DACH1: variants seen among roughly 807,000 people sequenced by gnomAD.
DACH1 encodes dachshund family transcription factor 1, also known as dachshund homolog 1.
DACH1 carries 12 observed loss-of-function variants against 54.2 expected under a neutral mutation model. That is an observed-to-expected ratio of 0.22 (90% CI 0.14 to 0.36). The LOEUF (loss-of-function observed/expected upper bound fraction) is 0.36. Among genes scored for constraint, DACH1 ranks in the 10% least tolerant of loss-of-function variants. The pLI is 1.00. For synonymous variants in DACH1, 386 were observed against 366.2 expected, an observed-to-expected ratio of 1.05 and a Z score of -0.62; for missense variants, 805 against 929.8, an observed-to-expected ratio of 0.87 and a Z score of 1.75.
At chr13:71,579,634 C>T (rs1471043702) in intron 3 of DACH1, among the ~76,000 whole-genome samples, 1 of 151,964 alleles carries the variant, frequency 6.6e-6, no homozygotes, top group Non-Finnish European at 1.5e-5. Flanking sequence ...CATTTTGGAA[C>T]TCATAAAATT....
chr13:71,807,363 G>A (rs529540317), intron 1 of DACH1, among the ~76,000 whole-genome samples: 20 of 139,638 alleles, frequency 1.4e-4, no homozygotes, highest in South Asian at 4.4e-4. Flanking sequence ...CAGTTCATTC[G>A]CACTTCCCTC....
chr13:71,564,931 T>A (rs1884814244), intron 4 of DACH1, among the ~76,000 whole-genome samples: 1 of 152,126 alleles, frequency 6.6e-6, no homozygotes, highest in Admixed American at 6.5e-5. Context: ...TGTTGTTGTT[T>A]GTTTTTTTGA....
At chr13:71,619,003 A>G (rs1876000522) in intron 3 of DACH1, among the ~76,000 whole-genome samples, 1 of 151,754 alleles carries the variant, frequency 6.6e-6, no homozygotes, top group African/African-American at 2.4e-5. Context: ...AGGTGTGAAT[A>G]CATATTTAAA....
intron 3 of DACH1, among the ~76,000 whole-genome samples, chr13:71,591,367 C>T (rs1443630643): frequency 1.5e-4 from 23 of 152,072 alleles, no homozygotes; most frequent in Admixed American, 1.5e-3. Flanking sequence ...GATTTTCAAA[C>T]ATCTTGGTTT....
At chr13:71,641,625 G>A (rs1877905119) in intron 2 of DACH1, among the ~76,000 whole-genome samples, 1 of 152,114 alleles carries the variant, frequency 6.6e-6, no homozygotes, top group African/African-American at 2.4e-5. Context: ...AACACATAGT[G>A]CCATGTGATA....
intron 1 of DACH1, among the ~76,000 whole-genome samples, chr13:71,718,405 C>G (rs966294512): frequency 6.6e-6 from 1 of 151,680 alleles, no homozygotes; most frequent in Non-Finnish European, 1.5e-5. Flanking sequence ...GGCAACATAG[C>G]GAGACCTCAT....
intron 2 of DACH1, among the ~76,000 whole-genome samples, chr13:71,635,313 C>T (rs1278084022): frequency 6.6e-6 from 1 of 152,204 alleles, no homozygotes; most frequent in East Asian, 1.9e-4. Flanking sequence ...TCACCACCCT[C>T]AACCCACTCT....
intron 2 of DACH1, among the ~76,000 whole-genome samples, chr13:71,661,298 A>T (rs911525671): frequency 6.6e-6 from 1 of 151,534 alleles, no homozygotes; most frequent in Non-Finnish European, 1.5e-5. Flanking sequence ...TTTCAATTTA[A>T]TTTTTATTAG....
chr13:71,732,050 T>C (rs1452166690), intron 1 of DACH1, among the ~76,000 whole-genome samples: 4 of 152,214 alleles, frequency 2.6e-5, no homozygotes, highest in Non-Finnish European at 4.4e-5. Flanking sequence ...ATAAAACTTA[T>C]GTTAACTATA....
At chr13:71,573,289 G>A in intron 3 of DACH1, 1 of 611,568 alleles carries the variant, frequency 1.6e-6, no homozygotes, top group East Asian at 2.8e-5. Flanking sequence ...AAAATACTAG[G>A]GTTTTCTTTA....
chr13:71,839,783 C>T (rs1215079495), intron 1 of DACH1, among the ~76,000 whole-genome samples: 1 of 152,036 alleles, frequency 6.6e-6, no homozygotes, highest in Non-Finnish European at 1.5e-5. Context: ...ACTAAACCTT[C>T]TCCTCCTCAT....
Position 71,630,721 on chromosome 13 carries a change from A to G in DACH1, c.965-4T>C. On this transcript the variant is annotated splice_region_variant and splice_polypyrimidine_tract_variant and intron_variant, in intron 2 of 10. Coordinates refer to ENST00000613252, the MANE Select transcript of DACH1 (RefSeq NM_080759.6). ...GCTGCAGCGGCTGCTGTCAGACCTT[A>G]AAAGAATAAATTAAAAATGAGGTAA... The G allele has an allele frequency of 1.3e-6, 2 of 1,559,300 alleles. No homozygotes were observed. Among genetic ancestry groups the G allele is most frequent in the Non-Finnish European group, 1.7e-6 (2 of 1,161,922 alleles).
At chr13:71,776,378 T>C (rs538372017) in intron 1 of DACH1, among the ~76,000 whole-genome samples, 1 of 152,248 alleles carries the variant, frequency 6.6e-6, no homozygotes, top group South Asian at 2.1e-4. Flanking sequence ...AATTTTGACA[T>C]GTAACACCTA....
intron 1 of DACH1, among the ~76,000 whole-genome samples, chr13:71,807,419 C>CAAA (rs10688170): frequency 0.28 from 27,427 of 99,198 alleles, 4,085 homozygotes; most frequent in African/African-American, 0.35. Context: ...TCACAGATTG[C>CAAA]AAAAAAAAAA....
chr13:71,841,743 G>A (rs922293955), intron 1 of DACH1, among the ~76,000 whole-genome samples: 2 of 152,140 alleles, frequency 1.3e-5, no homozygotes, highest in African/African-American at 4.8e-5. Context: ...GGTCACTGAA[G>A]AGCTGCTGCC....
chr13:71,575,026 T>C (rs1175553184), intron 3 of DACH1, among the ~76,000 whole-genome samples: 1 of 152,040 alleles, frequency 6.6e-6, no homozygotes, highest in Non-Finnish European at 1.5e-5. Flanking sequence ...ATAACACATT[T>C]TAAACATCTG....
chr13:71,690,412 C>T (rs1168403842), intron 1 of DACH1, among the ~76,000 whole-genome samples: 2 of 151,998 alleles, frequency 1.3e-5, no homozygotes, highest in African/African-American at 2.4e-5. Flanking sequence ...CCTTTCTTCC[C>T]GTAAGTCTTC....
At chr13:71,655,489 G>C (rs959425716) in intron 2 of DACH1, among the ~76,000 whole-genome samples, 1 of 151,092 alleles carries the variant, frequency 6.6e-6, no homozygotes, top group Non-Finnish European at 1.5e-5. Context: ...TCCTGCCTCA[G>C]CCTCCCGAGT....
intron 1 of DACH1, among the ~76,000 whole-genome samples, chr13:71,822,588 A>C (rs1488955171): frequency 6.6e-6 from 1 of 152,206 alleles, no homozygotes; most frequent in East Asian, 1.9e-4. Context: ...AATTTTCCTA[A>C]TACAAAAATT....
Sources: allele counts gnomAD v4.1 joint callset (sites outside exome capture counted in the v4.1 genomes callset), GRCh38; gene constraint gnomAD v4.1.1; transcripts MANE v1.5; gene names NCBI Gene and HGNC (gene_info 2026-07-23, HGNC 2026-07-21).